PHF24: variants seen among roughly 807,000 people sequenced by gnomAD.
The protein encoded by PHF24 is PHD finger protein 24.
PHF24 carries 25 observed loss-of-function variants against 42.6 expected under a neutral mutation model. The observed-to-expected ratio is 0.59, with a 90% CI of 0.43 to 0.82. The LOEUF is 0.82. Among genes scored for constraint, PHF24 ranks in the 40% least tolerant of loss-of-function variants. PHF24 has a pLI of 0.00. For synonymous variants in PHF24, 185 were observed against 204.8 expected (o/e 0.90, Z 0.83); for missense variants, 470 against 538.1 (o/e 0.87, Z 1.25).
chr9:34,710,478 T>A, the PHF24 span, among the ~76,000 whole-genome samples: 3 of 150,408 alleles, frequency 2.0e-5, no homozygotes, highest in Admixed American at 2.0e-4. Flanking sequence ...TTTTTTTTTT[T>A]TTTTTTTTGA....
At chr9:34,784,325 G>T in the PHF24 span, among the ~76,000 whole-genome samples, 1 of 152,230 alleles carries the variant, frequency 6.6e-6, no homozygotes, top group Admixed American at 6.5e-5. Flanking sequence ...AGGAGTTCAT[G>T]CTTCAGGGAG....
the PHF24 span, among the ~76,000 whole-genome samples, chr9:34,948,323 G>A: frequency 6.6e-6 from 1 of 152,106 alleles, no homozygotes; most frequent in Non-Finnish European, 1.5e-5. Flanking sequence ...CATTAAAAAT[G>A]TAGTATAGCC....
At chr9:34,781,405 T>C in the PHF24 span, among the ~76,000 whole-genome samples, 2 of 152,194 alleles carry the variant, frequency 1.3e-5, no homozygotes, top group African/African-American at 4.8e-5. Flanking sequence ...GGCAAATTCA[T>C]AGAGACAGAA....
chr9:34,826,204 A>C, the PHF24 span, among the ~76,000 whole-genome samples: 1 of 151,866 alleles, frequency 6.6e-6, no homozygotes, highest in Non-Finnish European at 1.5e-5. Context: ...GAATGCACAG[A>C]CCTCTGTAAG....
chr9:34,696,507 A>AT, the PHF24 span, among the ~76,000 whole-genome samples: 1 of 142,184 alleles, frequency 7.0e-6, no homozygotes, highest in Non-Finnish European at 1.5e-5. Context: ...AAAAAAAAAA[A>AT]GTTTAGACCA....
intron 6 of PHF24, 99 bp downstream of exon 6, chr9:34,977,342 C>T (rs1587481777): frequency 5.7e-6 from 8 of 1,415,770 alleles, no homozygotes; most frequent in East Asian, 4.6e-5. Context: ...TGCCAACAGC[C>T]GAGAGAGGAG....
At chr9:34,742,831 CA>C in the PHF24 span, among the ~76,000 whole-genome samples, 3 of 152,134 alleles carry the variant, frequency 2.0e-5, no homozygotes, top group Non-Finnish European at 4.4e-5. Flanking sequence ...TTTAACAAGA[CA>C]ATTACCTATA....
chr9:34,949,226 G>A, the PHF24 span, among the ~76,000 whole-genome samples: 78 of 152,254 alleles, frequency 5.1e-4, no homozygotes, highest in Non-Finnish European at 9.0e-4. Context: ...TCAAGTGCAC[G>A]TGGAATATTC....
At chr9:34,805,771 A>C in the PHF24 span, among the ~76,000 whole-genome samples, 1 of 152,160 alleles carries the variant, frequency 6.6e-6, no homozygotes, top group Non-Finnish European at 1.5e-5. Flanking sequence ...TGTCATATCC[A>C]AGAAGTCATT....
At chr9:34,734,952 C>G in the PHF24 span, among the ~76,000 whole-genome samples, 1 of 152,134 alleles carries the variant, frequency 6.6e-6, no homozygotes, top group Non-Finnish European at 1.5e-5. Context: ...AAACCTGGAG[C>G]CTGTTATGCA....
the PHF24 span, among the ~76,000 whole-genome samples, chr9:34,882,862 A>G: frequency 6.6e-6 from 1 of 152,332 alleles, no homozygotes; most frequent in Non-Finnish European, 1.5e-5. Flanking sequence ...GGAAAAAACT[A>G]CTTTAAAGTT....
At chr9:34,824,310 G>A in the PHF24 span, among the ~76,000 whole-genome samples, 1 of 152,228 alleles carries the variant, frequency 6.6e-6, no homozygotes, top group East Asian at 1.9e-4. Flanking sequence ...CCCATGGACT[G>A]TGCAGCTGTT....
the PHF24 span, chr9:34,922,846 T>C: frequency 6.3e-7 from 1 of 1,588,528 alleles, no homozygotes; most frequent in Non-Finnish European, 8.5e-7. Context: ...ACAGACTTCA[T>C]GCAGGCTGCC....
At chr9:34,838,277 G>A in the PHF24 span, 752 of 680,376 alleles carry the variant, frequency 1.1e-3, 2 homozygotes, top group Middle Eastern at 3.1e-3. Context: ...GGTCAATAAG[G>A]AAGGACTCTG....
chr9:34,678,120 T>C, the PHF24 span: 1 of 152,162 alleles, frequency 6.6e-6, no homozygotes, highest in Non-Finnish European at 1.5e-5. Flanking sequence ...AAAGAGAGAC[T>C]GGCCTAGCCT....
chr9:34,852,612 C>T, the PHF24 span, among the ~76,000 whole-genome samples: 1 of 152,212 alleles, frequency 6.6e-6, no homozygotes, highest in African/African-American at 2.4e-5. Context: ...GTCTTCTAGC[C>T]TATAAAGTTT....
chr9:34,960,080 C>T (rs1009426790), intron 1 of PHF24, among the ~76,000 whole-genome samples: 3 of 152,224 alleles, frequency 2.0e-5, no homozygotes, highest in Non-Finnish European at 4.4e-5. Context: ...GTGTTGCCTC[C>T]TCATCTCGCC....
the PHF24 span, chr9:34,832,345 G>A: frequency 1.4e-4 from 102 of 719,402 alleles, no homozygotes; most frequent in Non-Finnish European, 1.9e-4. Context: ...GGACAGTGAC[G>A]AGGACAGTGG....
chr9:34,902,026 G>A, the PHF24 span, among the ~76,000 whole-genome samples: 33 of 152,168 alleles, frequency 2.2e-4, no homozygotes, highest in African/African-American at 7.5e-4. Context: ...CTAGTAAAAA[G>A]ATAATTAAAA....
Sources: gnomAD v4.1 joint callset for allele counts (sites outside exome capture counted in the v4.1 genomes callset) on GRCh38, gnomAD v4.1.1 for gene constraint, MANE v1.5 for transcripts, NCBI Gene and HGNC (gene_info 2026-07-23, HGNC 2026-07-21) for gene names.